Variants in DSC1 observed in about 807,000 individuals in gnomAD.
DSC1 encodes the protein desmocollin 1.
Under a neutral mutation model 98.8 loss-of-function variants are expected in DSC1, and 79 were observed. That is an observed-to-expected ratio of 0.80 (90% CI 0.67 to 0.96). The LOEUF (loss-of-function observed/expected upper bound fraction) is 0.96, where lower values mean the gene tolerates loss of function less well. Among genes scored for constraint, DSC1 ranks in the 50% least tolerant of loss-of-function variants. The pLI is 0.00. For synonymous variants in DSC1, 405 were observed against 372.1 expected (o/e 1.09, Z -1.02); for missense variants, 1,115 against 1,075.9 (o/e 1.04, Z -0.51).
intron 1 of DSC1, 42 bp from the exon 2 acceptor site, chr18:31,159,571 A>T: frequency 6.6e-7 from 1 of 1,523,622 alleles, no homozygotes; most frequent in South Asian, 1.2e-5. Flanking sequence ...ATTAAATTTG[A>T]TCACAAATTT....
Position 31,130,519 on chromosome 18 carries a change from T to C in DSC1, c.2680A>G (p.Lys894Glu), listed in dbSNP as rs1447053411. 1.3e-5 allele frequency: 21 copies of C among 1,614,002 alleles called. No individual in the cohort carries two copies. Among genetic ancestry groups the C allele is most frequent in the Non-Finnish European group, 1.7e-5 (20 of 1,179,980 alleles). Residue 894 changes from lysine (K) to glutamate (E), a missense_variant, in exon 16 of 16, where the codon AAA becomes GAA. Lys to Glu is a moderately conservative substitution (Grantham distance 56). Coordinates refer to ENST00000257198, the MANE Select transcript of DSC1 (RefSeq NM_024421.2). ...TACACTATTAAAAGGCACATTTATT[T>C]CTTGATGCATGTCTTTGCTAATGTC... is the stretch of plus-strand genomic sequence containing the variant. ...FRTLAKTCIK[K>E]
chr18:31,137,965 ATG>A (rs201493651), intron 11 of DSC1, among the ~76,000 whole-genome samples: 21,250 of 141,236 alleles, frequency 0.15, 1,476 homozygotes, highest in South Asian at 0.19. Flanking sequence ...TCAGAGCAAA[ATG>A]TGTGTGTGTG....
In DSC1 at chr18:31,129,561, T is replaced by C. The variant is rs181225870; in HGVS notation, c.*953A>G. 9.9e-5 allele frequency: 15 copies of C among 152,262 alleles called. No homozygotes were observed. Among genetic ancestry groups the C allele is most frequent in the Admixed American group, 9.8e-4 (15 of 15,286 alleles). The allele number at this position is 152,262 out of a possible 1,614,324, so 9.4% of individuals were successfully genotyped here. A position where few individuals can be genotyped will look rare whatever the true frequency, so the allele number is the denominator to read the frequency against. On this transcript the variant is annotated 3_prime_UTR_variant, in exon 16 of 16. Transcript: ENST00000257198. The stretch of plus-strand genomic sequence containing the variant: ...CATATTCAAGGTGCTAGTCTCTGTA[T>C]ATCAGAGTTGCAGCCTAATGCATCA...
chr18:31,151,286 C>T (rs1988996235), intron 5 of DSC1, among the ~76,000 whole-genome samples: 1 of 152,036 alleles, frequency 6.6e-6, no homozygotes. Flanking sequence ...AATAATGAAC[C>T]AAGTATCTCC....
chr18:31,154,607 T>C (rs1343194388), intron 5 of DSC1, among the ~76,000 whole-genome samples, 167 bp downstream of exon 5: 3 of 152,178 alleles, frequency 2.0e-5, no homozygotes, highest in Non-Finnish European at 1.5e-5. Context: ...TATCCACTGT[T>C]TTTCCCCATC....
intron 5 of DSC1, among the ~76,000 whole-genome samples, chr18:31,151,289 G>T (rs957086751): frequency 6.6e-6 from 1 of 152,124 alleles, no homozygotes; most frequent in Non-Finnish European, 1.5e-5. Context: ...AATGAACCAA[G>T]TATCTCCAAA....
At chr18:31,141,227 AG>A (rs1988728252) in intron 9 of DSC1, among the ~76,000 whole-genome samples, 1 of 152,176 alleles carries the variant, frequency 6.6e-6, no homozygotes. Context: ...AAAAATATCA[AG>A]GGGGAAAAAA....
At chr18:31,132,226 G>T in intron 14 of DSC1, 1 of 347,004 alleles carries the variant, frequency 2.9e-6, no homozygotes, top group Non-Finnish European at 5.3e-6. Context: ...ACTGCCATAA[G>T]CCAGGGAATT....
intron 11 of DSC1, among the ~76,000 whole-genome samples, chr18:31,138,664 T>A (rs1223429281): frequency 6.6e-6 from 1 of 151,910 alleles, no homozygotes; most frequent in Non-Finnish European, 1.5e-5. Flanking sequence ...ACATTTTCAC[T>A]ACTACCAACT....
chr18:31,132,238 G>A, intron 14 of DSC1: 1 of 343,970 alleles, frequency 2.9e-6, no homozygotes, highest in East Asian at 6.8e-5. Context: ...CAGGGAATTG[G>A]CAGAAGCTAG....
chr18:31,134,820 G>A, intron 11 of DSC1, 36 bp from the exon 12 acceptor site: 1 of 1,552,348 alleles, frequency 6.4e-7, no homozygotes. Context: ...TTCTTCACAT[G>A]AAAATGCATT....
At chr18:31,159,709 C>T (rs1397029232) in intron 1 of DSC1, among the ~76,000 whole-genome samples, 180 bp from the exon 2 acceptor site, 1 of 152,048 alleles carries the variant, frequency 6.6e-6, no homozygotes, top group Non-Finnish European at 1.5e-5. Flanking sequence ...TTAGGAATAG[C>T]ACTGTCATTT....
rs1241092096 is a variant in DSC1 at position 31,145,589 on chromosome 18, ATAGT to A, written c.939+18_939+21del. On this transcript the variant is annotated intron_variant, in intron 7 of 15. Coordinates refer to ENST00000257198, the MANE Select transcript of DSC1 (RefSeq NM_024421.2). ...AGTTTAAATGTAGTTCAATGACTAG[ATAGT>A]TAATTAATCATCATTACTTCTCTAT... 1.2e-6 allele frequency: 2 copies of A among 1,612,508 alleles called. No individual in the cohort carries two copies. Among genetic ancestry groups the A allele is most frequent in the Admixed American group, 1.7e-5 (1 of 59,936 alleles).
chr18:31,157,621 G>A, intron 2 of DSC1, 48 bp from the exon 3 acceptor site: 1 of 1,604,038 alleles, frequency 6.2e-7, no homozygotes. Flanking sequence ...AACAGGAGTG[G>A]AACAAGTTTT....
intron 15 of DSC1, chr18:31,130,947 A>T: frequency 1.0e-6 from 1 of 982,282 alleles, no homozygotes; most frequent in Admixed American, 2.5e-5. Context: ...GACTACGCAT[A>T]TATCACGCAA....
intron 13 of DSC1, 135 bp downstream of exon 13, chr18:31,133,756 G>C (rs1988544638): frequency 1.1e-6 from 1 of 895,892 alleles, no homozygotes; most frequent in Non-Finnish European, 1.6e-6. Context: ...AGAGCCCCAA[G>C]ACATAAAATA....
intron 15 of DSC1, 142 bp downstream of exon 15, chr18:31,131,452 C>A: frequency 1.8e-6 from 2 of 1,130,692 alleles, no homozygotes; most frequent in South Asian, 3.2e-5. Flanking sequence ...TGGGTTTAAA[C>A]CAGACATCCA....
chr18:31,130,751 A>T, intron 15 of DSC1, 40 bp from the exon 16 acceptor site: 1 of 1,611,766 alleles, frequency 6.2e-7, no homozygotes, highest in African/African-American at 1.3e-5. Flanking sequence ...TTTTTAAAAA[A>T]CACCTAAACA....
At chr18:31,156,217 G>A in intron 3 of DSC1, 55 bp from the exon 4 acceptor site, 1 of 1,586,300 alleles carries the variant, frequency 6.3e-7, no homozygotes, top group South Asian at 1.2e-5. Flanking sequence ...TTTTGGAACT[G>A]TGATTATTTT....
Sources: gnomAD v4.1 joint callset for allele counts (sites outside exome capture counted in the v4.1 genomes callset) on GRCh38, gnomAD v4.1.1 for gene constraint, MANE v1.5 for transcripts, NCBI Gene and HGNC (gene_info 2026-07-23, HGNC 2026-07-21) for gene names.